The following CDH18 variants were observed in gnomAD, a reference collection of about 807,000 sequenced individuals.
CDH18 encodes the protein cadherin 18, also known as cadherin-18.
A neutral mutation model predicts 67.9 loss-of-function variants in CDH18; 31 were observed. The observed-to-expected ratio is 0.46, with a 90% CI of 0.34 to 0.62. The LOEUF (loss-of-function observed/expected upper bound fraction) is 0.62. Among genes scored for constraint, CDH18 ranks in the 20% least tolerant of loss-of-function variants. CDH18 has a pLI of 0.01. For missense variants in CDH18, 890 were observed against 975.5 expected (o/e 0.91, Z 1.17); for synonymous variants, 362 against 347.2 (o/e 1.04, Z -0.48).
chr5:20,147,475 A>G (rs1232676144), intron 2 of CDH18, among the ~76,000 whole-genome samples: 1 of 152,190 alleles, frequency 6.6e-6, no homozygotes, highest in East Asian at 1.9e-4. Flanking sequence ...CAGATAATTT[A>G]AAAATTAAAA....
At chr5:20,493,018 G>A (rs924225590) in intron 1 of CDH18, among the ~76,000 whole-genome samples, 1 of 152,096 alleles carries the variant, frequency 6.6e-6, no homozygotes, top group African/African-American at 2.4e-5. Flanking sequence ...TTTGTGTCAT[G>A]CACTATGGAA....
chr5:19,473,114 T>A lies in CDH18; in HGVS notation c.*112A>T, dbSNP rs1338169097. 15 of 1,295,814 alleles carry A rather than the reference T, an allele frequency of 1.2e-5. No homozygotes were observed. The highest frequency in any genetic ancestry group is 1.6e-5 in the Non-Finnish European group (15 of 935,410). The allele number at this position is 1,295,814 out of a possible 1,614,324, so 80.3% of individuals were successfully genotyped here. A position where few individuals can be genotyped will look rare whatever the true frequency, so the allele number is the denominator to read the frequency against. ...GGCACTTGTTTCTACAGGAGCTGTGTCCAGCTTCCTCAGTTCCAAGTACTG... is the reference window on the plus strand; with the variant it reads ...GGCACTTGTTTCTACAGGAGCTGTGACCAGCTTCCTCAGTTCCAAGTACTG... On this transcript the variant is annotated 3_prime_UTR_variant, in exon 13 of 13. Transcript: ENST00000382275.
intron 1 of CDH18, among the ~76,000 whole-genome samples, chr5:20,453,702 G>A (rs1750640521): frequency 6.6e-6 from 1 of 151,850 alleles, no homozygotes. Flanking sequence ...TGTGTGGTTA[G>A]CAGCTCTGAT....
intron 11 of CDH18, among the ~76,000 whole-genome samples, chr5:19,502,334 T>C (rs565447859): frequency 6.6e-6 from 1 of 152,276 alleles, no homozygotes; most frequent in East Asian, 1.9e-4. Flanking sequence ...GGCTTAATGT[T>C]TCCCTAATGT....
intron 2 of CDH18, among the ~76,000 whole-genome samples, chr5:19,939,535 A>C (rs2892428): frequency 0.42 from 64,161 of 151,492 alleles, 16,002 homozygotes; most frequent in Middle Eastern, 0.67. Flanking sequence ...ATTGTACTTA[A>C]GTAGATTGAA....
chr5:19,828,755 G>A (rs897833506), intron 3 of CDH18, among the ~76,000 whole-genome samples: 2 of 152,042 alleles, frequency 1.3e-5, no homozygotes, highest in Admixed American at 6.5e-5. Context: ...AACAGGAGCC[G>A]GCTGGGCGCT....
chr5:20,469,325 G>A (rs12519219), intron 1 of CDH18, among the ~76,000 whole-genome samples: 40,980 of 150,974 alleles, frequency 0.27, 5,774 homozygotes, highest in East Asian at 0.39. Context: ...TTCAAAAGAC[G>A]TTCAATATGT....
chr5:20,289,743 G>GT (rs1746965669), intron 1 of CDH18, among the ~76,000 whole-genome samples: 1 of 151,944 alleles, frequency 6.6e-6, no homozygotes, highest in African/African-American at 2.4e-5. Context: ...TGTTGTAGCA[G>GT]TAACAGTACG....
Position 19,547,189 on chromosome 5 carries a change from G to A in CDH18, c.1254-3184C>T, listed in dbSNP as rs544702267. Among the ~76,000 whole-genome samples, 4 of 152,236 alleles carry A rather than the reference G, an allele frequency of 2.6e-5. No individual in the cohort carries two copies. The East Asian group carries it at 7.7e-4, about 29-fold the overall frequency. ...CTGAGGATGAGGGTTGAACTGGTTAGGAAATGACAGATGTCTTATCATGTG... is the reference window on the plus strand; with the variant it reads ...CTGAGGATGAGGGTTGAACTGGTTAAGAAATGACAGATGTCTTATCATGTG... On this transcript the variant is annotated intron_variant, in intron 8 of 12. Coordinates refer to ENST00000382275, the MANE Select transcript of CDH18 (RefSeq NM_004934.5).
intron 11 of CDH18, among the ~76,000 whole-genome samples, chr5:19,492,633 T>C (rs1741650800): frequency 6.6e-6 from 1 of 152,122 alleles, no homozygotes; most frequent in African/African-American, 2.4e-5. Context: ...AAATCATCTT[T>C]GAACTCTGGT....
intron 1 of CDH18, among the ~76,000 whole-genome samples, chr5:20,336,276 G>C (rs10053204): frequency 2.4e-4 from 37 of 151,958 alleles, no homozygotes; most frequent in South Asian, 6.2e-4. Context: ...CACTCCAGAG[G>C]GGGGAATGAG....
intron 11 of CDH18, among the ~76,000 whole-genome samples, chr5:19,496,811 CAAAAAAAAAAA>C (rs777601146): frequency 1.3e-5 from 1 of 75,206 alleles, no homozygotes; most frequent in African/African-American, 5.1e-5. Context: ...GACTCCATCT[CAAAAAAAAAAA>C]AAAAAAAAAG....
At chr5:19,986,071 C>T (rs1005455963) in intron 1 of CDH18, among the ~76,000 whole-genome samples, 3 of 152,126 alleles carry the variant, frequency 2.0e-5, no homozygotes, top group Non-Finnish European at 4.4e-5. Flanking sequence ...CATAATAATG[C>T]TATTTATATC....
chr5:19,788,777 T>C (rs1238210471), intron 3 of CDH18, among the ~76,000 whole-genome samples: 2 of 152,144 alleles, frequency 1.3e-5, no homozygotes, highest in East Asian at 1.9e-4. Context: ...TACCAATACA[T>C]TATAGTAACA....
intron 3 of CDH18, among the ~76,000 whole-genome samples, chr5:19,799,969 C>T (rs1416862580): frequency 6.6e-6 from 1 of 152,154 alleles, no homozygotes; most frequent in East Asian, 1.9e-4. Context: ...TTTCTAAAGT[C>T]CCATTAAATT....
At chr5:20,414,627 A>G (rs1324076571) in intron 1 of CDH18, among the ~76,000 whole-genome samples, 1 of 152,216 alleles carries the variant, frequency 6.6e-6, no homozygotes, top group East Asian at 1.9e-4. Context: ...ATAAATAAAT[A>G]AATGCCAATT....
intron 1 of CDH18, among the ~76,000 whole-genome samples, chr5:20,571,184 C>G (rs1226476869): frequency 6.6e-6 from 1 of 152,134 alleles, no homozygotes; most frequent in Admixed American, 6.5e-5. Flanking sequence ...GACACCTCTA[C>G]GTCTTTACCA....
At chr5:19,789,735 T>G (rs1005320121) in intron 3 of CDH18, among the ~76,000 whole-genome samples, 7 of 152,144 alleles carry the variant, frequency 4.6e-5, no homozygotes, top group Non-Finnish European at 7.4e-5. Context: ...TTTGAACTGC[T>G]GAAGTTATTG....
At chr5:19,499,332 T>C (rs1323396890) in intron 11 of CDH18, among the ~76,000 whole-genome samples, 1 of 152,196 alleles carries the variant, frequency 6.6e-6, no homozygotes, top group African/African-American at 2.4e-5. Context: ...TAGATTTCAA[T>C]TGTACTAAAT....
Sources: allele counts gnomAD v4.1 joint callset (sites outside exome capture counted in the v4.1 genomes callset), GRCh38; gene constraint gnomAD v4.1.1; transcripts MANE v1.5; gene names NCBI Gene and HGNC (gene_info 2026-07-23, HGNC 2026-07-21).